SHISA6: variants seen among roughly 807,000 people sequenced by gnomAD.
The protein encoded by SHISA6 is shisa family member 6, also known as protein shisa-6.
Under a neutral mutation model 47.9 loss-of-function variants are expected in SHISA6, and 22 were observed. That is an observed-to-expected ratio of 0.46 (90% CI 0.33 to 0.66). The LOEUF is 0.66. Among genes scored for constraint, SHISA6 ranks in the 30% least tolerant of loss-of-function variants. The pLI is 0.02. For missense variants in SHISA6, 680 were observed against 764.6 expected, an observed-to-expected ratio of 0.89 and a Z score of 1.30; for synonymous variants, 388 against 337.8, an observed-to-expected ratio of 1.15 and a Z score of -1.63.
At chr17:11,405,215 A>T (rs1044192746) in intron 3 of SHISA6, among the ~76,000 whole-genome samples, 5 of 152,184 alleles carry the variant, frequency 3.3e-5, no homozygotes, top group Non-Finnish European at 5.9e-5. Flanking sequence ...TGAAGATGTC[A>T]CATGCATTTA....
At chr17:11,316,329 C>CTTTT (rs66540376) in intron 2 of SHISA6, among the ~76,000 whole-genome samples, 2 of 103,674 alleles carry the variant, frequency 1.9e-5, no homozygotes, top group African/African-American at 3.9e-5. Context: ...ATTTTCAGGT[C>CTTTT]TTTTTTTTTT....
At chr17:11,259,447 T>C (rs1908144162) in intron 1 of SHISA6, among the ~76,000 whole-genome samples, 1 of 152,232 alleles carries the variant, frequency 6.6e-6, no homozygotes, top group African/African-American at 2.4e-5. Context: ...TGATAGTCTT[T>C]AATATCTCGA....
chr17:11,444,140 G>A (rs1915168583), intron 3 of SHISA6, among the ~76,000 whole-genome samples: 1 of 152,082 alleles, frequency 6.6e-6, no homozygotes, highest in African/African-American at 2.4e-5. Flanking sequence ...CCAACATGGT[G>A]AAACCCCATC....
At chr17:11,436,574 T>C (rs1193283976) in intron 3 of SHISA6, among the ~76,000 whole-genome samples, 5 of 152,220 alleles carry the variant, frequency 3.3e-5, no homozygotes, top group African/African-American at 9.6e-5. Flanking sequence ...ATTGTACTCA[T>C]ACTAATCGAT....
At position 11,301,264 on chromosome 17, in the gene SHISA6, T is replaced by A. The variant is rs548621980; in HGVS notation, c.799+37738T>A. Reference sequence around the variant, plus strand: ...CCTCAAGTTGAAGTTGCACTGTTTATCTCCTGGGTGCGTTGCAGCCCCCAG... The same window carrying A: ...CCTCAAGTTGAAGTTGCACTGTTTAACTCCTGGGTGCGTTGCAGCCCCCAG... On this transcript the variant is annotated intron_variant, in intron 2 of 5. Coordinates refer to ENST00000441885, the MANE Select transcript of SHISA6 (RefSeq NM_207386.4). 9.5e-4 allele frequency among the ~76,000 whole-genome samples: 145 copies of A among 152,216 alleles called. 1 individual carries two copies. The highest frequency in any genetic ancestry group is 3.3e-3 in the African/African-American group (136 of 41,532).
At chr17:11,287,116 C>T (rs371957621) in intron 2 of SHISA6, among the ~76,000 whole-genome samples, 36 of 151,980 alleles carry the variant, frequency 2.4e-4, no homozygotes, top group African/African-American at 6.5e-4. Flanking sequence ...AAAAAATAGC[C>T]GGGCATGGTG....
At chr17:11,318,711 T>C (rs980836226) in intron 2 of SHISA6, among the ~76,000 whole-genome samples, 3 of 152,240 alleles carry the variant, frequency 2.0e-5, no homozygotes, top group African/African-American at 7.2e-5. Context: ...CTTCGTTGCA[T>C]ATGCAGTATC....
intron 2 of SHISA6, among the ~76,000 whole-genome samples, chr17:11,266,825 G>A (rs1209849218): frequency 6.6e-6 from 1 of 152,218 alleles, no homozygotes; most frequent in Non-Finnish European, 1.5e-5. Flanking sequence ...AAGCCTTCCT[G>A]TGGTTGGCTC....
At position 11,537,678 on chromosome 17, in the gene SHISA6, C is replaced by A. The variant is rs1465341; in HGVS notation, c.896-14218C>A. On this transcript the variant is annotated intron_variant, in intron 3 of 5. Coordinates refer to ENST00000441885, the MANE Select transcript of SHISA6 (RefSeq NM_207386.4). ...TCAGATAAGCAATCCAGTATTATCA[C>A]CATGGCCTCTTGTTCATTTTCTGCT... 6.8e-3 allele frequency among the ~76,000 whole-genome samples: 1,037 copies of A among 152,298 alleles called. 7 individuals carry two copies. Among genetic ancestry groups the A allele is most frequent in the Middle Eastern group, 0.017 (5 of 294 alleles).
chr17:11,260,343 G>A (rs151247161), intron 1 of SHISA6, among the ~76,000 whole-genome samples: 1,800 of 152,218 alleles, frequency 0.012, 35 homozygotes, highest in African/African-American at 0.041. Context: ...GTGGGGGATG[G>A]TTGGAAGGAG....
At position 11,532,981 on chromosome 17, in the gene SHISA6, C is replaced by T. The variant is rs1055361066; in HGVS notation, c.896-18915C>T. Among the ~76,000 whole-genome samples the T allele has an allele frequency of 3.9e-5, 6 of 152,204 alleles. No individual in the cohort carries two copies. In the East Asian group the frequency reaches 7.7e-4, roughly 20 times the overall value. ...AACTTCTCAGGGATCTGGCAGACTGCGTGAGTGTAAACAGCCACTTTGGGT... is the reference window on the plus strand; with the variant it reads ...AACTTCTCAGGGATCTGGCAGACTGTGTGAGTGTAAACAGCCACTTTGGGT... On this transcript the variant is annotated intron_variant, in intron 3 of 5. Transcript: ENST00000441885.
intron 3 of SHISA6, among the ~76,000 whole-genome samples, chr17:11,395,452 T>C (rs981778807): frequency 6.6e-6 from 1 of 152,074 alleles, no homozygotes; most frequent in Non-Finnish European, 1.5e-5. Flanking sequence ...TTTTATTGCT[T>C]ATTTTTATTA....
intron 4 of SHISA6, among the ~76,000 whole-genome samples, chr17:11,554,885 C>T (rs1038409687): frequency 1.3e-5 from 2 of 152,128 alleles, no homozygotes; most frequent in African/African-American, 4.8e-5. Flanking sequence ...GCCCAGCGCA[C>T]ACTGCACTGG....
chr17:11,338,648 A>G (rs1198244786), intron 2 of SHISA6, among the ~76,000 whole-genome samples: 1 of 151,744 alleles, frequency 6.6e-6, no homozygotes, highest in Non-Finnish European at 1.5e-5. Context: ...TGACCTCATG[A>G]TCTGCCCGCC....
intron 3 of SHISA6, among the ~76,000 whole-genome samples, chr17:11,394,735 G>A (rs55648948): frequency 0.062 from 9,380 of 151,808 alleles, 581 homozygotes; most frequent in African/African-American, 0.15. Context: ...AAAGAATAAC[G>A]GTGCAGATAA....
At chr17:11,368,630 GT>G (rs940735948) in intron 2 of SHISA6, among the ~76,000 whole-genome samples, 6 of 152,090 alleles carry the variant, frequency 3.9e-5, no homozygotes, top group East Asian at 3.9e-4. Context: ...AATTGTTGGG[GT>G]TTTTTGTTTT....
At chr17:11,353,081 T>A in intron 2 of SHISA6, among the ~76,000 whole-genome samples, 1 of 152,212 alleles carries the variant, frequency 6.6e-6, no homozygotes, top group East Asian at 1.9e-4. Flanking sequence ...TTCATGTTTC[T>A]TTCAAGTTAC....
At chr17:11,481,354 G>GTATATA (rs1362266634) in intron 3 of SHISA6, among the ~76,000 whole-genome samples, 10 of 114,100 alleles carry the variant, frequency 8.8e-5, no homozygotes, top group African/African-American at 3.3e-4. Flanking sequence ...GTGTGTGTGT[G>GTATATA]TGTGTGTGTG....
intron 4 of SHISA6, 50 bp downstream of exon 4, chr17:11,552,002 AC>A: frequency 1.3e-6 from 2 of 1,529,618 alleles, no homozygotes; most frequent in South Asian, 1.2e-5. Flanking sequence ...TTCGAGTGGC[AC>A]CATTCTAAGG....
Sources: allele counts gnomAD v4.1 joint callset (sites outside exome capture counted in the v4.1 genomes callset), GRCh38; gene constraint gnomAD v4.1.1; transcripts MANE v1.5; gene names NCBI Gene and HGNC (gene_info 2026-07-23, HGNC 2026-07-21).